VPS13C: variants seen among roughly 807,000 people sequenced by gnomAD.
VPS13C encodes intermembrane lipid transfer protein VPS13C.
A neutral mutation model predicts 456.8 loss-of-function variants in VPS13C; 358 were observed. That is an observed-to-expected ratio of 0.78 (90% CI 0.72 to 0.86). The LOEUF (loss-of-function observed/expected upper bound fraction) is 0.86. Ranked by LOEUF, VPS13C falls within the 40% of genes least tolerant of loss-of-function variation. VPS13C has a pLI of 0.00. For synonymous variants in VPS13C, 1,578 were observed against 1,486.7 expected (o/e 1.06, Z -1.41); for missense variants, 4,818 against 4,385.4 (o/e 1.10, Z -2.79).
intron 10 of VPS13C, among the ~76,000 whole-genome samples, chr15:62,013,540 T>G (rs960531163): frequency 2.6e-5 from 4 of 151,986 alleles, no homozygotes; most frequent in Non-Finnish European, 2.9e-5. Flanking sequence ...CTCTTGGAGA[T>G]TCACAGTGTT....
chr15:61,931,200 A>C lies in VPS13C; in HGVS notation c.5928T>G (p.Leu1976=). 6.2e-7 allele frequency: 1 copy of C among 1,614,158 alleles called. No homozygotes were observed. The highest frequency in any genetic ancestry group is 8.5e-7 in the Non-Finnish European group (1 of 1,180,028). ...SFQLGELRLH[L]MASSGKMFKD... Reference sequence around the variant, plus strand: ...TAAACATCTTCCCTGAGGAGGCCATAAGATGTAGTCTGAGTTCACCAAGTT... The same window carrying C: ...TAAACATCTTCCCTGAGGAGGCCATCAGATGTAGTCTGAGTTCACCAAGTT... Residue 1976 remains leucine (L), a synonymous_variant, in exon 50 of 85, where the codon CTT becomes CTG. Transcript: ENST00000644861.
intron 67 of VPS13C, among the ~76,000 whole-genome samples, chr15:61,887,965 G>T (rs542340382): frequency 1.3e-5 from 2 of 152,048 alleles, no homozygotes; most frequent in Non-Finnish European, 2.9e-5. Context: ...TAAAAGACTG[G>T]TATCCAAAAT....
rs1046823981 is a variant in VPS13C, at chr15:61,999,933, G to A, written c.1353+631C>T. ...AAAAAAAAAAAAAAGGAGATAAAAAGCATAAATACGCAGGTATATAAGCAT... is the reference window on the plus strand; with the variant it reads ...AAAAAAAAAAAAAAGGAGATAAAAAACATAAATACGCAGGTATATAAGCAT... On this transcript the variant is annotated intron_variant, in intron 16 of 84. Coordinates refer to ENST00000644861, the MANE Select transcript of VPS13C (RefSeq NM_020821.3). Among the ~76,000 whole-genome samples, 6 of 149,116 alleles carry A rather than the reference G, an allele frequency of 4.0e-5. No individual in the cohort carries two copies. The East Asian group carries it at 7.8e-4, about 19-fold the overall frequency.
At chr15:61,896,144 A>G (rs920601293) in intron 66 of VPS13C, among the ~76,000 whole-genome samples, 1 of 152,212 alleles carries the variant, frequency 6.6e-6, no homozygotes, top group African/African-American at 2.4e-5. Flanking sequence ...AACAAGATCA[A>G]AGCAATAATA....
At position 61,869,528 on chromosome 15, in the gene VPS13C, C is replaced by A. The variant is rs1392010774; in HGVS notation, c.10720G>T (p.Ala3574Ser). 6.2e-7 allele frequency: 1 copy of A among 1,614,126 alleles called. No homozygotes were observed. Among genetic ancestry groups the A allele is most frequent in the East Asian group, 2.2e-5 (1 of 44,886 alleles). The change falls in exon 80 of 85, where the codon GCC becomes TCC. Residue 3574 changes from alanine to serine, a missense_variant. Transcript: ENST00000644861. ...TGAATGCCTTGGAAGGTACTACTGG[C>A]CATATCTACGATTCCACCAGTTGGA... ...ARPTGGIVDM[A>S]SSTFQGIQRA...
In VPS13C at chr15:61,951,985, A is replaced by G. The variant is rs1294646964; in HGVS notation, c.4300-5T>C. 1 of 1,611,518 alleles carries G rather than the reference A, an allele frequency of 6.2e-7. No homozygotes were observed. The highest frequency in any genetic ancestry group is 1.7e-5 in the Admixed American group (1 of 59,572). ...TTTCATCAAAGTAACCACAACCTAA[A>G]AAACGGTACCAGTATTACCACCAAC... is the stretch of plus-strand genomic sequence containing the variant. On this transcript the variant is annotated splice_region_variant and splice_polypyrimidine_tract_variant and intron_variant, in intron 38 of 84. Coordinates refer to ENST00000644861, the MANE Select transcript of VPS13C (RefSeq NM_020821.3).
At position 61,863,584 on chromosome 15, in the gene VPS13C, C is replaced by CT; in HGVS notation, c.10864-57_10864-56insA. 7 of 1,135,954 alleles carry CT rather than the reference C, an allele frequency of 6.2e-6. No homozygotes were observed. In the South Asian group the frequency reaches 9.0e-5, roughly 15 times the overall value. The allele number at this position is 1,135,954 out of a possible 1,614,324, so 70.4% of individuals were successfully genotyped here. On this transcript the variant is annotated intron_variant, in intron 81 of 84. Coordinates refer to ENST00000644861, the MANE Select transcript of VPS13C (RefSeq NM_020821.3). ...AAGTTATGCATTTAAGTAGTATTTACAATACTGCATATTAGCTAATTATAA... is the reference window on the plus strand; with the variant it reads ...AAGTTATGCATTTAAGTAGTATTTACTAATACTGCATATTAGCTAATTATAA...
chr15:61,919,705 T>C lies in VPS13C; in HGVS notation c.7478-256A>G, dbSNP rs542713964. On this transcript the variant is annotated intron_variant, in intron 57 of 84. Transcript: ENST00000644861. ...CTTATTTCTTATTCTCTCAATCATA[T>C]AGCAACAATCTTTTTCTTTGTCACA... Among the ~76,000 whole-genome samples, 10 of 151,582 alleles carry C rather than the reference T, an allele frequency of 6.6e-5. No homozygotes were observed. The East Asian group carries it at 1.5e-3, about 23-fold the overall frequency.
intron 22 of VPS13C, among the ~76,000 whole-genome samples, chr15:61,981,104 C>G (rs1268370302): frequency 6.6e-6 from 1 of 152,172 alleles, no homozygotes; most frequent in South Asian, 2.1e-4. Flanking sequence ...TAGGAAAAGG[C>G]AGATGTAATC....
intron 67 of VPS13C, among the ~76,000 whole-genome samples, chr15:61,886,539 G>A (rs1896285600): frequency 6.6e-6 from 1 of 152,088 alleles, no homozygotes; most frequent in Non-Finnish European, 1.5e-5. Context: ...CAAACATGCT[G>A]TGATTTGTAG....
At chr15:61,861,294 G>A (rs1316231235) in intron 82 of VPS13C, among the ~76,000 whole-genome samples, 1 of 151,906 alleles carries the variant, frequency 6.6e-6, no homozygotes, top group Non-Finnish European at 1.5e-5. Context: ...CAATACTGGG[G>A]TGGCCAAACT....
At chr15:61,913,171 C>T in intron 62 of VPS13C, 140 bp downstream of exon 62, 2 of 646,404 alleles carry the variant, frequency 3.1e-6, no homozygotes, top group Non-Finnish European at 2.7e-6. Context: ...CCCAGCCATC[C>T]CATTACTGGG....
rs1412306490 is a variant in VPS13C, at chr15:61,983,933, C to T, written c.1801G>A (p.Gly601Ser). Reference protein sequence around the residue: ...DIVPSLVASIGDTTSSLLKIK... With the variant: ...DIVPSLVASISDTTSSLLKIK... Reference sequence around the variant, plus strand: ...TTAAGCAAGGATGATGTAGTGTCACCAATTGAAGCCACAAGTGATGGCACA... The same window carrying T: ...TTAAGCAAGGATGATGTAGTGTCACTAATTGAAGCCACAAGTGATGGCACA... Residue 601 changes from glycine to serine, a missense_variant, in exon 20 of 85, where the codon GGT becomes AGT. Transcript: ENST00000644861. 11 of 1,614,112 alleles carry T rather than the reference C, an allele frequency of 6.8e-6. No individual in the cohort carries two copies. The highest frequency in any genetic ancestry group is 9.3e-6 in the Non-Finnish European group (11 of 1,180,000).
chr15:61,936,152 A>G (rs888835698), intron 48 of VPS13C, among the ~76,000 whole-genome samples: 1 of 152,226 alleles, frequency 6.6e-6, no homozygotes, highest in African/African-American at 2.4e-5. Flanking sequence ...CTGAAAAATT[A>G]TCTTATGTAT....
chr15:62,054,768 A>G (rs982665465), intron 1 of VPS13C, among the ~76,000 whole-genome samples: 2 of 152,134 alleles, frequency 1.3e-5, no homozygotes, highest in Admixed American at 6.6e-5. Flanking sequence ...AAGAAGAAGA[A>G]TATTAATACC....
In VPS13C at chr15:61,911,830, A is replaced by G; in HGVS notation, c.8715+10T>C. On this transcript the variant is annotated intron_variant, in intron 63 of 84. Transcript: ENST00000644861. ...TTTTAGGAATCAGTTGTAACAAAGA[A>G]AAATGCTACCTCTGAAGAAGCAATA... The G allele has an allele frequency of 6.3e-7, 1 of 1,582,626 alleles. No homozygotes were observed. The highest frequency in any genetic ancestry group is 1.2e-5 in the South Asian group (1 of 84,514).
At chr15:61,946,571 A>T (rs974839122) in intron 43 of VPS13C, among the ~76,000 whole-genome samples, 161 bp from the exon 44 acceptor site, 5 of 151,942 alleles carry the variant, frequency 3.3e-5, no homozygotes, top group Non-Finnish European at 7.4e-5. Context: ...ATACCTAAGA[A>T]AGGTAATAAT....
intron 66 of VPS13C, among the ~76,000 whole-genome samples, chr15:61,902,365 G>A (rs2043028707): frequency 6.6e-6 from 1 of 151,370 alleles, no homozygotes; most frequent in Non-Finnish European, 1.5e-5. Flanking sequence ...TGCAGAGCGG[G>A]GAATACTTCT....
chr15:62,037,233 TA>T lies in VPS13C; in HGVS notation c.188-2182del, dbSNP rs1567136204. 4.4e-3 allele frequency among the ~76,000 whole-genome samples: 264 copies of T among 59,660 alleles called. 11 individuals carry two copies. The East Asian group carries it at 0.059, about 13-fold the overall frequency. 39.1% of individuals were successfully genotyped at this position (59,660 alleles called of 152,430 possible). ...TAAATATATTATATAATATATTATATATAAATATATATAATATATTTATATA... is the reference window on the plus strand; with the variant it reads ...TAAATATATTATATAATATATTATATTAAATATATATAATATATTTATATA... On this transcript the variant is annotated intron_variant, in intron 3 of 84. Transcript: ENST00000644861.
Sources: allele counts gnomAD v4.1 joint callset (sites outside exome capture counted in the v4.1 genomes callset), GRCh38; gene constraint gnomAD v4.1.1; transcripts MANE v1.5; gene names NCBI Gene and HGNC (gene_info 2026-07-23, HGNC 2026-07-21).